The following HTRA4 variants were observed in gnomAD, a reference collection of about 807,000 sequenced individuals.
HTRA4 encodes the protein HtrA serine peptidase 4.
In HTRA4, 46 loss-of-function variants were observed where a neutral mutation model predicts 49.1. The ratio of observed to expected loss-of-function variants is 0.94; its 90% CI spans 0.74 to 1.20. HTRA4 has a LOEUF of 1.20. Ranked by LOEUF, HTRA4 falls within the 50% of genes most tolerant of loss-of-function variation. The probability of loss-of-function intolerance (pLI) is 0.00; values close to 1 mark genes in which losing one functional copy is unlikely to be tolerated. For missense variants in HTRA4, 602 were observed against 636.9 expected (o/e 0.95, Z 0.59); for synonymous variants, 261 against 264.0 (o/e 0.99, Z 0.11).
At chr8:38,982,469 T>G in intron 6 of HTRA4, 29 bp from the exon 7 acceptor site, 1 of 1,601,590 alleles carries the variant, frequency 6.2e-7, no homozygotes, top group Non-Finnish European at 8.6e-7. Context: ...AGAGGTTTTG[T>G]TGTAACACAT....
intron 5 of HTRA4, among the ~76,000 whole-genome samples, chr8:38,981,006 A>G (rs1349448035): frequency 6.6e-6 from 1 of 151,174 alleles, no homozygotes; most frequent in East Asian, 1.9e-4. Flanking sequence ...TCAAAATACA[A>G]ACTGTGGCTC....
At chr8:38,982,641 T>A in intron 7 of HTRA4, 86 bp downstream of exon 7, 1 of 1,264,566 alleles carries the variant, frequency 7.9e-7, no homozygotes, top group Non-Finnish European at 1.2e-6. Flanking sequence ...CTGAGCCACT[T>A]GGACCACAGC....
At chr8:38,982,441 A>C (rs1835434671) in intron 6 of HTRA4, 57 bp from the exon 7 acceptor site, 1 of 1,467,690 alleles carries the variant, frequency 6.8e-7, no homozygotes, top group Non-Finnish European at 9.5e-7. Flanking sequence ...GGTGTCTTTT[A>C]AGCTGCGCTA....
intron 3 of HTRA4, among the ~76,000 whole-genome samples, chr8:38,977,522 C>T (rs1835368239): frequency 6.6e-6 from 1 of 152,080 alleles, no homozygotes; most frequent in South Asian, 2.1e-4. Context: ...ACATAACATC[C>T]CTAGGTGATT....
chr8:38,985,495 T>C (rs958185425), intron 8 of HTRA4, among the ~76,000 whole-genome samples: 1 of 152,196 alleles, frequency 6.6e-6, no homozygotes, highest in African/African-American at 2.4e-5. Flanking sequence ...TTGTTTTTAT[T>C]TTTCAAGAGC....
chr8:38,982,186 C>A (rs372010460), intron 6 of HTRA4, among the ~76,000 whole-genome samples: 4 of 152,172 alleles, frequency 2.6e-5, no homozygotes, highest in African/African-American at 7.2e-5. Flanking sequence ...TACTGGGTCA[C>A]TCATTTGTAC....
intron 5 of HTRA4, among the ~76,000 whole-genome samples, chr8:38,981,193 C>T (rs1564179237): frequency 6.7e-6 from 1 of 148,210 alleles, no homozygotes; most frequent in African/African-American, 2.5e-5. Flanking sequence ...CATTCTCCTG[C>T]CTCAGCCTCC....
chr8:38,980,901 G>C (rs1330685497), intron 5 of HTRA4, among the ~76,000 whole-genome samples: 1 of 152,074 alleles, frequency 6.6e-6, no homozygotes, highest in Non-Finnish European at 1.5e-5. Flanking sequence ...TCTCAGTGCA[G>C]TGTTACTGAC....
At chr8:38,976,929 GTTTCTTTCT>G (rs1272800483) in intron 3 of HTRA4, among the ~76,000 whole-genome samples, 190 bp downstream of exon 3, 2 of 151,504 alleles carry the variant, frequency 1.3e-5, no homozygotes, top group Admixed American at 6.6e-5. Context: ...ATCCCTAACC[GTTTCTTTCT>G]TTTCTTTCTT....
chr8:38,983,675 GAT>G (rs1438509853), intron 8 of HTRA4, among the ~76,000 whole-genome samples: 2 of 151,770 alleles, frequency 1.3e-5, no homozygotes, highest in Non-Finnish European at 2.9e-5. Context: ...TATTAAATAA[GAT>G]ATATTATTAA....
intron 3 of HTRA4, among the ~76,000 whole-genome samples, chr8:38,977,182 C>G (rs547767210): frequency 6.6e-6 from 1 of 152,012 alleles, no homozygotes; most frequent in Admixed American, 6.5e-5. Context: ...GTGATCCGCC[C>G]GCTTCGGCCT....
At position 38,979,254 on chromosome 8, in the gene HTRA4, G is replaced by T; in HGVS notation, c.999+7G>T. 1 of 1,611,960 alleles carries T rather than the reference G, an allele frequency of 6.2e-7. No homozygotes were observed. The highest frequency in any genetic ancestry group is 8.5e-7 in the Non-Finnish European group (1 of 1,178,058). On this transcript the variant is annotated splice_region_variant and intron_variant, in intron 5 of 8. Coordinates refer to ENST00000302495, the MANE Select transcript of HTRA4 (RefSeq NM_153692.4). ...TGGTCCTCTGGTGAACTTGGTAAGT[G>T]ATCACTTTCCTTGTTGCTTCATGTT...
rs775277744 is a variant in HTRA4, at chr8:38,978,082, G to A, written c.901G>A (p.Gly301Arg). Residue 301 changes from glycine (G) to arginine (R), a missense_variant, in exon 4 of 9, where the codon GGG becomes AGG. Coordinates refer to ENST00000302495, the MANE Select transcript of HTRA4 (RefSeq NM_153692.4). Reference protein sequence around the residue: ...TAGIVSTKQRGGKELGMKDSD... With the variant: ...TAGIVSTKQRRGKELGMKDSD... ...AGGAATTGTCAGCACCAAACAGCGA[G>A]GGGGCAAAGAACTGGGGATGAAGGA... 1 of 1,614,172 alleles carries A rather than the reference G, an allele frequency of 6.2e-7. No individual in the cohort carries two copies. Among genetic ancestry groups the A allele is most frequent in the Non-Finnish European group, 8.5e-7 (1 of 1,180,026 alleles).
chr8:38,984,216 G>A (rs1160440480), intron 8 of HTRA4, among the ~76,000 whole-genome samples: 1 of 151,754 alleles, frequency 6.6e-6, no homozygotes, highest in Non-Finnish European at 1.5e-5. Context: ...GGCCAGGCTG[G>A]TCTCGAACTC....
chr8:38,981,597 T>G (rs1835424893), intron 5 of HTRA4, 56 bp from the exon 6 acceptor site: 3 of 1,185,832 alleles, frequency 2.5e-6, no homozygotes, highest in Admixed American at 1.7e-5. Flanking sequence ...TGTTCTGGTC[T>G]TGCACTCATC....
At chr8:38,982,598 A>T (rs778760581) in intron 7 of HTRA4, 43 bp downstream of exon 7, 1 of 1,577,372 alleles carries the variant, frequency 6.3e-7, no homozygotes, top group South Asian at 1.1e-5. Flanking sequence ...TTTCAGAGGC[A>T]AAAACCATAG....
chr8:38,982,528 G>T lies in HTRA4; in HGVS notation c.1145G>T (p.Gly382Val), dbSNP rs148796117. The change falls in exon 7 of 9, where the codon GGT becomes GTT. Residue 382 changes from glycine to valine, a missense_variant. By Grantham distance (109) the Gly-to-Val change is moderately radical (BLOSUM62 -3). Transcript: ENST00000302495. ...GCGTTTTCAAATAAGAAATATCTGG[G>T]TCTGCAAATGCTGTCCCTCACTGTG... ...GKAFSNKKYL[G>V]LQMLSLTVPL... 57 of 1,614,096 alleles carry T rather than the reference G, an allele frequency of 3.5e-5. No individual in the cohort carries two copies. The East Asian group carries it at 1.2e-3, about 33-fold the overall frequency.
At chr8:38,977,401 A>C (rs536563367) in intron 3 of HTRA4, among the ~76,000 whole-genome samples, 2 of 152,186 alleles carry the variant, frequency 1.3e-5, no homozygotes, top group African/African-American at 2.4e-5. Context: ...TCCTACACAT[A>C]GTACTGGTAG....
Position 38,974,658 on chromosome 8 carries a change from A to AAAACCGCGCCGC in HTRA4, c.396_407dup (p.Asn133_Ala136dup). The AAAACCGCGCCGC allele has an allele frequency of 6.4e-6, 9 of 1,402,742 alleles. No homozygotes were observed. The highest frequency in any genetic ancestry group is 7.4e-6 in the Non-Finnish European group (8 of 1,088,074). 86.9% of individuals were successfully genotyped at this position (1,402,742 alleles called of 1,614,324 possible). On this transcript the variant is annotated inframe_insertion, in exon 1 of 9. Transcript: ENST00000302495. ...CCCAGCATGTGCGCGCTCCGGGCCG[A>AAAACCGCGCCGC]AAACCGCGCCGCGCGCCGCCTGGGC...
Sources: allele counts gnomAD v4.1 joint callset (sites outside exome capture counted in the v4.1 genomes callset), GRCh38; gene constraint gnomAD v4.1.1; transcripts MANE v1.5; gene names NCBI Gene and HGNC (gene_info 2026-07-23, HGNC 2026-07-21).